LAMC1: variants seen among roughly 807,000 people sequenced by gnomAD.
LAMC1 encodes laminin subunit gamma 1.
LAMC1 carries 38 observed loss-of-function variants against 173.6 expected under a neutral mutation model. The observed-to-expected ratio is 0.22, with a 90% CI of 0.17 to 0.29. The LOEUF (loss-of-function observed/expected upper bound fraction) is 0.29, where lower values mean the gene tolerates loss of function less well. LAMC1 is among the 10% of genes least tolerant of loss of function. The pLI, the probability that LAMC1 is intolerant of heterozygous loss-of-function variation, is 1.00. For missense variants in LAMC1, 1,824 were observed against 2,051.8 expected, an observed-to-expected ratio of 0.89 and a Z score of 2.14; for synonymous variants, 746 against 749.1, an observed-to-expected ratio of 1.00 and a Z score of 0.07.
At chr1:183,081,991 A>G (rs890035874) in intron 1 of LAMC1, among the ~76,000 whole-genome samples, 1 of 152,212 alleles carries the variant, frequency 6.6e-6, no homozygotes, top group South Asian at 2.1e-4. Context: ...GTAATATATT[A>G]TGTAGCCTTT....
chr1:183,043,217 A>G (rs140596124), intron 1 of LAMC1, among the ~76,000 whole-genome samples: 2 of 152,236 alleles, frequency 1.3e-5, no homozygotes, highest in East Asian at 3.9e-4. Flanking sequence ...ATGTTACATA[A>G]CACCCTCAGC....
intron 1 of LAMC1, among the ~76,000 whole-genome samples, chr1:183,024,490 A>G (rs955994387): frequency 6.6e-6 from 1 of 152,112 alleles, no homozygotes; most frequent in Admixed American, 6.5e-5. Flanking sequence ...TTTGCTAGCA[A>G]GGTCATCACA....
chr1:183,125,492 G>T lies in LAMC1; in HGVS notation c.2743G>T (p.Asp915Tyr), dbSNP rs1410900816. 1.2e-6 allele frequency: 2 copies of T among 1,613,742 alleles called. No individual in the cohort carries two copies. The highest frequency in any genetic ancestry group is 8.5e-7 in the Non-Finnish European group (1 of 1,179,780). The stretch of plus-strand genomic sequence containing the variant: ...ATGTTTGCCTCACGTGACTGGCCAG[G>T]ACTGTGGTGCTTGTGACCCTGGATT... The part of the protein sequence containing the change: ...CECLPHVTGQ[D>Y]CGACDPGFYN... The change falls in exon 15 of 28, where the codon GAC becomes TAC. Residue 915 changes from aspartate (D) to tyrosine (Y), a missense_variant. By Grantham distance (160) the Asp-to-Tyr change is radical. Transcript: ENST00000258341.
At chr1:183,101,946 C>T (rs370590648) in intron 1 of LAMC1, among the ~76,000 whole-genome samples, 1 of 152,160 alleles carries the variant, frequency 6.6e-6, no homozygotes, top group East Asian at 1.9e-4. Flanking sequence ...AAGAATGTGG[C>T]CTGGACACAT....
chr1:183,127,362 C>T lies in LAMC1; in HGVS notation c.3081C>T (p.Gly1027=), dbSNP rs1656648812. Residue 1027 remains glycine (G), a synonymous_variant, in exon 17 of 28, where the codon GGC becomes GGT. Transcript: ENST00000258341. ...ENYFYNRSWP[G]CQECPACYRL... ...ATTTCTACAATCGGTCTTGGCCTGG[C>T]TGCCAGGAATGTCCAGCTTGTTACC... 6.2e-7 allele frequency: 1 copy of T among 1,614,002 alleles called. No individual in the cohort carries two copies. Among genetic ancestry groups the T allele is most frequent in the Admixed American group, 1.7e-5 (1 of 60,002 alleles).
chr1:183,077,004 T>G lies in LAMC1; in HGVS notation c.419-26324T>G, dbSNP rs544822175. 3.3e-5 allele frequency among the ~76,000 whole-genome samples: 5 copies of G among 152,330 alleles called. No individual in the cohort carries two copies. In the South Asian group the frequency reaches 1.0e-3, roughly 32 times the overall value. On this transcript the variant is annotated intron_variant, in intron 1 of 27. Coordinates refer to ENST00000258341, the MANE Select transcript of LAMC1 (RefSeq NM_002293.4). ...GTTACCTAGTGACTTTTCACTGCGG[T>G]CTCTTGAAGTAGCCAAGATTGCGTT...
chr1:183,131,381 A>G lies in LAMC1; in HGVS notation c.3566+3A>G. ...GAGGCTCGAAAGCTTGCTGAACGGT[A>G]ACTTCTAGATCCCTGTTTAATGGTT... On this transcript the variant is annotated splice_donor_region_variant and intron_variant, in intron 20 of 27. Coordinates refer to ENST00000258341, the MANE Select transcript of LAMC1 (RefSeq NM_002293.4). 6.2e-7 allele frequency: 1 copy of G among 1,606,634 alleles called. No homozygotes were observed. Among genetic ancestry groups the G allele is most frequent in the Non-Finnish European group, 8.5e-7 (1 of 1,175,292 alleles).
intron 1 of LAMC1, among the ~76,000 whole-genome samples, chr1:183,096,166 G>A (rs1419719443): frequency 2.0e-5 from 3 of 152,114 alleles, no homozygotes; most frequent in African/African-American, 7.2e-5. Context: ...TTTAACCATA[G>A]CACCAAGTAG....
At chr1:183,045,154 G>T (rs6660111) in intron 1 of LAMC1, among the ~76,000 whole-genome samples, 1 of 149,726 alleles carries the variant, frequency 6.7e-6, no homozygotes. Context: ...TGTTTTAAAT[G>T]TATATGGCCA....
In LAMC1 at chr1:183,124,808, A is replaced by G. The variant is rs769260014; in HGVS notation, c.2579A>G (p.Tyr860Cys). 3.4e-5 allele frequency: 55 copies of G among 1,614,048 alleles called. 2 individuals carry two copies. In the Middle Eastern group the frequency reaches 1.6e-3, roughly 48 times the overall value. ...TGCATCTATAACACTGCTGGCTTCTATTGTGACCGGTGCAAAGACGGATTT... is the reference window on the plus strand; with the variant it reads ...TGCATCTATAACACTGCTGGCTTCTGTTGTGACCGGTGCAAAGACGGATTT... ...LKCIYNTAGF[Y>C]CDRCKDGFFG... Residue 860 changes from tyrosine to cysteine, a missense_variant, in exon 14 of 28, where the codon TAT becomes TGT. Coordinates refer to ENST00000258341, the MANE Select transcript of LAMC1 (RefSeq NM_002293.4).
rs531446884 is a variant in LAMC1 at position 183,138,767 on chromosome 1, A to G, written c.4473+940A>G. ...TGTGGCTCAAGTAAAAATTCCCATA[A>G]AGGTGTCTGGGCGCAGTGGTTCACT... On this transcript the variant is annotated intron_variant, in intron 26 of 27. Transcript: ENST00000258341. Among the ~76,000 whole-genome samples, 5 of 152,210 alleles carry G rather than the reference A, an allele frequency of 3.3e-5. No homozygotes were observed. The South Asian group carries it at 1.0e-3, about 32-fold the overall frequency.
Position 183,053,160 on chromosome 1 carries a change from G to A in LAMC1, c.418+29026G>A, listed in dbSNP as rs565879568. Among the ~76,000 whole-genome samples, 7 of 152,248 alleles carry A rather than the reference G, an allele frequency of 4.6e-5. No homozygotes were observed. In the East Asian group the frequency reaches 5.8e-4, roughly 13 times the overall value. On this transcript the variant is annotated intron_variant, in intron 1 of 27. Transcript: ENST00000258341. Reference sequence around the variant, plus strand: ...ATCCCTTGTTAGGGTTTTCCAGTGCGTTAAATGTAAAAACTTGAAAAGTTT... The same window carrying A: ...ATCCCTTGTTAGGGTTTTCCAGTGCATTAAATGTAAAAACTTGAAAAGTTT...
chr1:183,044,697 A>T (rs1021460136), intron 1 of LAMC1, among the ~76,000 whole-genome samples: 1 of 152,150 alleles, frequency 6.6e-6, no homozygotes, highest in African/African-American at 2.4e-5. Flanking sequence ...TGTGGACAGT[A>T]GTAATAGAAG....
Position 183,132,464 on chromosome 1 carries a change from G to T in LAMC1, c.3631G>T (p.Ala1211Ser), listed in dbSNP as rs200853597. ...AKTANDTSTE[A>S]YNLLLRTLAG... is the part of the protein sequence containing the mutation. Reference sequence around the variant, plus strand: ...GACAGCCAATGATACGTCAACTGAGGCATACAACCTGCTTCTGAGGACACT... The same window carrying T: ...GACAGCCAATGATACGTCAACTGAGTCATACAACCTGCTTCTGAGGACACT... Residue 1211 changes from alanine to serine, a missense_variant, in exon 21 of 28, where the codon GCA (alanine) becomes TCA (serine). Coordinates refer to ENST00000258341, the MANE Select transcript of LAMC1 (RefSeq NM_002293.4). 2 of 1,613,230 alleles carry T rather than the reference G, an allele frequency of 1.2e-6. No individual in the cohort carries two copies. Among genetic ancestry groups the T allele is most frequent in the Admixed American group, 3.3e-5 (2 of 60,010 alleles).
intron 1 of LAMC1, among the ~76,000 whole-genome samples, chr1:183,091,283 C>T (rs992915424): frequency 6.6e-6 from 1 of 152,092 alleles, no homozygotes; most frequent in Non-Finnish European, 1.5e-5. Context: ...TGAGAGGCCA[C>T]TAAGTTAATA....
At chr1:183,053,738 G>A (rs1006080206) in intron 1 of LAMC1, among the ~76,000 whole-genome samples, 2 of 151,854 alleles carry the variant, frequency 1.3e-5, no homozygotes, top group African/African-American at 4.8e-5. Context: ...CGATTCTTGT[G>A]CTTCAGCCTC....
intron 1 of LAMC1, among the ~76,000 whole-genome samples, chr1:183,033,124 A>G (rs983768742): frequency 6.6e-6 from 1 of 152,246 alleles, no homozygotes; most frequent in Non-Finnish European, 1.5e-5. Context: ...AGAGAACACA[A>G]TGTGAGGCTT....
intron 17 of LAMC1, 96 bp from the exon 18 acceptor site, chr1:183,128,498 C>T: frequency 1.1e-6 from 1 of 882,784 alleles, no homozygotes; most frequent in Non-Finnish European, 1.7e-6. Flanking sequence ...ACTACATATT[C>T]ATGGAGTGCC....
chr1:183,130,467 G>A lies in LAMC1; in HGVS notation c.3404G>A (p.Arg1135His), dbSNP rs150090402. ...ACTGGAAACTTGGCTGAACAAGCGCGTGCCCATGTAGAGAACACAGAGCGG... is the reference window on the plus strand; with the variant it reads ...ACTGGAAACTTGGCTGAACAAGCGCATGCCCATGTAGAGAACACAGAGCGG... ...EETGNLAEQA[R>H]AHVENTERLI... is the part of the protein sequence containing the mutation. The change falls in exon 19 of 28, where the codon CGT becomes CAT. Residue 1135 changes from arginine to histidine, a missense_variant. Arg to His is a conservative substitution (Grantham distance 29). Transcript: ENST00000258341. The A allele has an allele frequency of 6.6e-5, 107 of 1,614,144 alleles. No homozygotes were observed. The highest frequency in any genetic ancestry group is 5.3e-4 in the South Asian group (48 of 91,084).
Sources: gnomAD v4.1 joint callset for allele counts (sites outside exome capture counted in the v4.1 genomes callset) on GRCh38, gnomAD v4.1.1 for gene constraint, MANE v1.5 for transcripts, NCBI Gene and HGNC (gene_info 2026-07-23, HGNC 2026-07-21) for gene names.